XPO1: variants seen among roughly 807,000 people sequenced by gnomAD.
XPO1 encodes exportin-1.
Under a neutral mutation model 133.3 loss-of-function variants are expected in XPO1, and 5 were observed. The observed-to-expected ratio is 0.04, with a 90% confidence interval of 0.02 to 0.08. XPO1 has a LOEUF of 0.08. Among genes scored for constraint, XPO1 ranks in the 10% least tolerant of loss-of-function variants. XPO1 has a pLI of 1.00. For missense variants in XPO1, 506 were observed against 1,267.5 expected (o/e 0.40, Z 9.12); for synonymous variants, 419 against 408.2 (o/e 1.03, Z -0.32).
chr2:61,528,258 T>C (rs1698993667), intron 2 of XPO1, among the ~76,000 whole-genome samples: 1 of 152,122 alleles, frequency 6.6e-6, no homozygotes, highest in African/African-American at 2.4e-5. Flanking sequence ...GTGTGTCTTT[T>C]CCTGTCCACA....
Position 61,494,378 on chromosome 2 carries a change from G to C in XPO1, c.1048-287C>G, listed in dbSNP as rs561863849. Reference sequence around the variant, plus strand: ...AAAAGGCCTTGGGTGCCAATAAGTGGTATCACAACCCAAATGTACCATCAC... The same window carrying C: ...AAAAGGCCTTGGGTGCCAATAAGTGCTATCACAACCCAAATGTACCATCAC... On this transcript the variant is annotated intron_variant, in intron 11 of 24. Coordinates refer to ENST00000401558, the MANE Select transcript of XPO1 (RefSeq NM_003400.4). The C allele has an allele frequency of 2.2e-4, 65 of 295,664 alleles. 1 individual carries two copies. In the South Asian group the frequency reaches 2.3e-3, roughly 11 times the overall value. 18.3% of individuals were successfully genotyped at this position (295,664 alleles called of 1,614,324 possible).
intron 2 of XPO1, 62 bp from the exon 3 acceptor site, chr2:61,526,583 A>G: frequency 7.7e-7 from 1 of 1,292,146 alleles, no homozygotes; most frequent in South Asian, 1.7e-5. Context: ...CATTCATTAA[A>G]ATGAAAACTA....
At chr2:61,490,120 A>T (rs1451971003) in intron 17 of XPO1, among the ~76,000 whole-genome samples, 1 of 148,704 alleles carries the variant, frequency 6.7e-6, no homozygotes, top group African/African-American at 2.5e-5. Context: ...CAATCTCCTG[A>T]CCTAGTGATC....
chr2:61,519,723 A>AAAAAC (rs1298046130), intron 4 of XPO1, among the ~76,000 whole-genome samples: 75 of 144,368 alleles, frequency 5.2e-4, no homozygotes, highest in African/African-American at 1.7e-3. Flanking sequence ...AAAAAAAAAA[A>AAAAAC]CACCACGTAA....
intron 2 of XPO1, among the ~76,000 whole-genome samples, chr2:61,532,287 C>G (rs1699188875): frequency 6.6e-6 from 1 of 151,944 alleles, no homozygotes; most frequent in African/African-American, 2.4e-5. Context: ...GCCACCACGC[C>G]TGGCTAATTT....
intron 1 of XPO1, among the ~76,000 whole-genome samples, chr2:61,535,293 C>A (rs1457415245): frequency 2.0e-5 from 3 of 152,170 alleles, no homozygotes; most frequent in African/African-American, 7.2e-5. Context: ...ATAGCTCTAA[C>A]CCAGTTTTTA....
Position 61,492,524 on chromosome 2 carries a change from ATACT to A in XPO1, c.1566+39_1566+42del, listed in dbSNP as rs1558639516. 2.5e-6 allele frequency: 4 copies of A among 1,594,232 alleles called. No individual in the cohort carries two copies. The highest frequency in any genetic ancestry group is 3.4e-6 in the Non-Finnish European group (4 of 1,173,008). ...TTGTATTATTTATTGTAACAACATA[ATACT>A]TATTTAGCAATTCTAATTCATACCT... On this transcript the variant is annotated intron_variant, in intron 14 of 24. Transcript: ENST00000401558. The surrounding 1 kb of genome is among the most constrained non-coding windows in gnomAD (Gnocchi z 5.6).
chr2:61,495,582 G>A lies in XPO1; in HGVS notation c.920C>T (p.Ala307Val), dbSNP rs1264718174. 2 of 1,588,564 alleles carry A rather than the reference G, an allele frequency of 1.3e-6. No homozygotes were observed. The highest frequency in any genetic ancestry group is 1.7e-6 in the Non-Finnish European group (2 of 1,164,128). Residue 307 changes from alanine to valine, a missense_variant, in exon 11 of 25, where the codon GCG (alanine) becomes GTG (valine). By Grantham distance (64) the Ala-to-Val change is moderately conservative. This residue lies in a region of XPO1 where 134 missense variants were observed against 261.6 expected (regional missense o/e 0.51). Coordinates refer to ENST00000401558, the MANE Select transcript of XPO1 (RefSeq NM_003400.4). ...MLPLNTNIRL[A>V]YSNGKDDEQN... The stretch of plus-strand genomic sequence containing the variant: ...TTCATCATCTTTTCCATTTGAGTAC[G>A]CAAGTCGAATATTGGTATTTAAAGG...
chr2:61,478,274 C>G lies in XPO1; in HGVS notation c.*546G>C, dbSNP rs959899333. 4.3e-6 allele frequency: 1 copy of G among 233,680 alleles called. No individual in the cohort carries two copies. Among genetic ancestry groups the G allele is most frequent in the African/African-American group, 2.2e-5 (1 of 45,340 alleles). The allele number at this position is 233,680 out of a possible 1,614,324, so 14.5% of individuals were successfully genotyped here. On this transcript the variant is annotated 3_prime_UTR_variant, in exon 25 of 25. Coordinates refer to ENST00000401558, the MANE Select transcript of XPO1 (RefSeq NM_003400.4). ...AGTCGCTTTACAATGGGATGATATG[C>G]ACATGATCTTGCTGCAATCTTGCCA...
Position 61,495,503 on chromosome 2 carries a change from A to G in XPO1, c.999T>C (p.His333=), listed in dbSNP as rs753356847. The G allele has an allele frequency of 3.8e-6, 6 of 1,584,588 alleles. No individual in the cohort carries two copies. Among genetic ancestry groups the G allele is most frequent in the Admixed American group, 3.4e-5 (2 of 58,450 alleles). ...TTAATCTTTTTTCTATAAGTTGATC[A>G]TGTTCCTTAAGAAAGGTGCAGAGAA... The part of the protein sequence containing the change: ...SLFLCTFLKE[H]DQLIEKRLNL... Residue 333 remains histidine, a synonymous_variant, in exon 11 of 25, where the codon CAT becomes CAC. Transcript: ENST00000401558.
Position 61,492,314 on chromosome 2 carries a change from AAGAG to A in XPO1, c.1723+7_1723+10del, listed in dbSNP as rs776522229. 19 of 1,583,892 alleles carry A rather than the reference AAGAG, an allele frequency of 1.2e-5. No individual in the cohort carries two copies. Among genetic ancestry groups the A allele is most frequent in the Non-Finnish European group, 1.6e-5 (19 of 1,172,050 alleles). On this transcript the variant is annotated splice_region_variant and intron_variant, in intron 15 of 24. Transcript: ENST00000401558. This position sits in a 1 kb window ranked among gnomAD's most constrained non-coding sequence, Gnocchi z 5.6. ...AAATAAAAGCAAAATATAGTAAAGAAAGAGATTTACCATGCATGAATTCGAACAG... is the reference window on the plus strand; with the variant it reads ...AAATAAAAGCAAAATATAGTAAAGAAATTTACCATGCATGAATTCGAACAG...
chr2:61,498,623 G>A (rs759441990), intron 9 of XPO1, 50 bp downstream of exon 9: 37 of 1,602,912 alleles, frequency 2.3e-5, no homozygotes, highest in Non-Finnish European at 3.0e-5. Flanking sequence ...CATGTGAAAA[G>A]AATATATGTG....
chr2:61,483,223 T>C (rs1696490142), intron 21 of XPO1, 132 bp from the exon 22 acceptor site: 2 of 911,868 alleles, frequency 2.2e-6, no homozygotes, highest in African/African-American at 1.7e-5. Flanking sequence ...TAATAATTAC[T>C]TGCATAAGGT....
At chr2:61,497,129 G>T in intron 9 of XPO1, 122 bp from the exon 10 acceptor site, 1 of 1,249,066 alleles carries the variant, frequency 8.0e-7, no homozygotes, top group Non-Finnish European at 1.1e-6. Context: ...TCAAAAACAG[G>T]CCAAGTGAAT....
At chr2:61,518,598 C>G (rs1010428838) in intron 4 of XPO1, among the ~76,000 whole-genome samples, 1 of 151,750 alleles carries the variant, frequency 6.6e-6, no homozygotes, top group Non-Finnish European at 1.5e-5. Context: ...GCCTGGGCAA[C>G]AGAGCGAGAC....
At chr2:61,484,157 A>T in intron 20 of XPO1, 52 bp from the exon 21 acceptor site, 2 of 1,509,474 alleles carry the variant, frequency 1.3e-6, no homozygotes, top group Non-Finnish European at 1.8e-6. Flanking sequence ...TTGTTGTGCT[A>T]GACAGGAGGG....
At chr2:61,485,575 A>C (rs988737452) in intron 20 of XPO1, 193 bp downstream of exon 20, 5 of 422,030 alleles carry the variant, frequency 1.2e-5, no homozygotes, top group Non-Finnish European at 2.1e-5. Flanking sequence ...GTCTCACTAT[A>C]TTGCCCAGGT....
intron 4 of XPO1, among the ~76,000 whole-genome samples, chr2:61,520,456 A>C (rs1361930615): frequency 6.6e-6 from 1 of 151,992 alleles, no homozygotes; most frequent in Non-Finnish European, 1.5e-5. Context: ...CAGCATGGGC[A>C]ACACAGCGAG....
chr2:61,486,949 A>C (rs1442264243), intron 19 of XPO1, among the ~76,000 whole-genome samples: 1 of 151,828 alleles, frequency 6.6e-6, no homozygotes, highest in Non-Finnish European at 1.5e-5. Context: ...CATGATTCTA[A>C]GTAAACTGAG....
Sources: allele counts gnomAD v4.1 joint callset (sites outside exome capture counted in the v4.1 genomes callset), GRCh38; gene constraint gnomAD v4.1.1; regional missense constraint gnomAD v4.1.1; non-coding constraint Gnocchi (gnomAD v3.1); transcripts MANE v1.5; gene names NCBI Gene and HGNC (gene_info 2026-07-23, HGNC 2026-07-21).